Variants in IGF1R observed in about 807,000 individuals in gnomAD.
The protein encoded by IGF1R is insulin-like growth factor 1 receptor.
A neutral mutation model predicts 144.6 loss-of-function variants in IGF1R; 44 were observed. The observed-to-expected ratio is 0.30, with a 90% CI of 0.24 to 0.39. IGF1R has a LOEUF of 0.39. IGF1R is among the 10% of genes least tolerant of loss of function. IGF1R has a pLI of 1.00. For synonymous variants in IGF1R, 795 were observed against 722.8 expected, an observed-to-expected ratio of 1.10 and a Z score of -1.60; for missense variants, 1,355 against 1,833.7, an observed-to-expected ratio of 0.74 and a Z score of 4.77.
chr15:98,827,692 C>T (rs1171049451), intron 2 of IGF1R, among the ~76,000 whole-genome samples: 1 of 152,218 alleles, frequency 6.6e-6, no homozygotes, highest in Non-Finnish European at 1.5e-5. Context: ...AAGCGATTCT[C>T]CTGCCTCAGC....
At chr15:98,731,413 C>T (rs2054493852) in intron 2 of IGF1R, among the ~76,000 whole-genome samples, 1 of 152,200 alleles carries the variant, frequency 6.6e-6, no homozygotes, top group African/African-American at 2.4e-5. Flanking sequence ...AAAAGGGTTC[C>T]ATTTTCCCCT....
intron 1 of IGF1R, chr15:98,660,088 C>T (rs985435219): frequency 6.6e-6 from 1 of 152,214 alleles, no homozygotes; most frequent in African/African-American, 2.4e-5. Flanking sequence ...AAGCCTTAAA[C>T]CTGTTTCCCC....
chr15:98,779,785 G>T (rs2055810367), intron 2 of IGF1R, among the ~76,000 whole-genome samples: 1 of 152,206 alleles, frequency 6.6e-6, no homozygotes, highest in Non-Finnish European at 1.5e-5. Flanking sequence ...CCCTCCAGTA[G>T]AGGGCACACG....
chr15:98,825,180 A>C (rs1490186052), intron 2 of IGF1R, among the ~76,000 whole-genome samples: 1 of 147,864 alleles, frequency 6.8e-6, no homozygotes, highest in Non-Finnish European at 1.5e-5. Context: ...AGCTTAGAAG[A>C]CCATATACAG....
rs558648364 is a variant in IGF1R, at chr15:98,958,146, G to A, written c.*704G>A. The A allele has an allele frequency of 3.4e-5, 8 of 233,564 alleles. No homozygotes were observed. Among genetic ancestry groups the A allele is most frequent in the African/African-American group, 6.6e-5 (3 of 45,406 alleles). The allele number at this position is 233,564 out of a possible 1,614,324, so 14.5% of individuals were successfully genotyped here. A position where few individuals can be genotyped will look rare whatever the true frequency, so the allele number is the denominator to read the frequency against. Reference sequence around the variant, plus strand: ...GAGAGACACGCTGGCGACACACTCCGTCCATCCGACTGCCCCTGCTGTGCT... The same window carrying A: ...GAGAGACACGCTGGCGACACACTCCATCCATCCGACTGCCCCTGCTGTGCT... On this transcript the variant is annotated 3_prime_UTR_variant, in exon 21 of 21. Transcript: ENST00000650285.
chr15:98,727,846 C>T (rs1265483479), intron 2 of IGF1R, among the ~76,000 whole-genome samples: 3 of 152,072 alleles, frequency 2.0e-5, no homozygotes, highest in Non-Finnish European at 2.9e-5. Flanking sequence ...GCTGTCACCC[C>T]GAAGGAATGC....
In IGF1R at chr15:98,675,047, G is replaced by T. The variant is rs1231229573; in HGVS notation, c.94+25372G>T. Among the ~76,000 whole-genome samples, 4 of 134,920 alleles carry T rather than the reference G, an allele frequency of 3.0e-5. No homozygotes were observed. In the South Asian group the frequency reaches 7.0e-4, roughly 24 times the overall value. The allele number at this position is 134,920 out of a possible 152,430, so 88.5% of individuals were successfully genotyped here. ...TGCCCAGGCTGGAGTGGACTGCAGTGGTGCAATCTCAGCTCACTTCAACCT... is the reference window on the plus strand; with the variant it reads ...TGCCCAGGCTGGAGTGGACTGCAGTTGTGCAATCTCAGCTCACTTCAACCT... On this transcript the variant is annotated intron_variant, in intron 1 of 20. Coordinates refer to ENST00000650285, the MANE Select transcript of IGF1R (RefSeq NM_000875.5).
intron 1 of IGF1R, among the ~76,000 whole-genome samples, chr15:98,680,460 G>A (rs550825447): frequency 8.6e-5 from 13 of 152,040 alleles, no homozygotes; most frequent in South Asian, 2.1e-4. Flanking sequence ...TGGAGACAGC[G>A]TTGCACCGTG....
Position 98,924,688 on chromosome 15 carries a change from A to G in IGF1R, c.2782+4A>G. On this transcript the variant is annotated splice_donor_region_variant and intron_variant, in intron 13 of 20. Coordinates refer to ENST00000650285, the MANE Select transcript of IGF1R (RefSeq NM_000875.5). ...TTCTTCTATGTCCAGGCCAAAAGTA[A>G]GGCTTGTGGAGGGAGAAGAAACGTG... The G allele has an allele frequency of 1.2e-6, 2 of 1,612,040 alleles. No individual in the cohort carries two copies. Among genetic ancestry groups the G allele is most frequent in the African/African-American group, 1.4e-5 (1 of 74,066 alleles).
At chr15:98,680,818 G>A (rs909580567) in intron 1 of IGF1R, among the ~76,000 whole-genome samples, 1 of 150,122 alleles carries the variant, frequency 6.7e-6, no homozygotes, top group Non-Finnish European at 1.5e-5. Context: ...GCAAGTGCTT[G>A]GCCTCTGAAG....
chr15:98,696,747 G>T (rs964941394), intron 1 of IGF1R, among the ~76,000 whole-genome samples: 2 of 152,212 alleles, frequency 1.3e-5, no homozygotes, highest in African/African-American at 4.8e-5. Flanking sequence ...CTGCTCAGGA[G>T]AAAGGTCTTC....
rs1278323768 is a variant in IGF1R, at chr15:98,922,303, A to C, written c.2357A>C (p.Glu786Ala). 3 of 1,614,182 alleles carry C rather than the reference A, an allele frequency of 1.9e-6. No individual in the cohort carries two copies. In the South Asian group the frequency reaches 3.3e-5, roughly 18 times the overall value. Residue 786 changes from glutamate to alanine, a missense_variant, in exon 11 of 21, where the codon GAG becomes GCG. By Grantham distance (107) the Glu-to-Ala change is moderately radical. Around this residue, in one of 7 missense-constraint regions of IGF1R, gnomAD observed 880 missense variants for 1,202.7 expected, o/e 0.73. Coordinates refer to ENST00000650285, the MANE Select transcript of IGF1R (RefSeq NM_000875.5). ...PFFESRVDNK[E>A]RTVISNLRPF... ...TTTGAGAGCAGAGTGGATAACAAGG[A>C]GAGAACTGTCATTTCTAACCTTCGG...
At chr15:98,760,483 G>C (rs1451360485) in intron 2 of IGF1R, among the ~76,000 whole-genome samples, 1 of 152,252 alleles carries the variant, frequency 6.6e-6, no homozygotes, top group East Asian at 1.9e-4. Flanking sequence ...AAGTGTTACA[G>C]ATTTTTATAA....
chr15:98,808,597 C>T (rs1223270123), intron 2 of IGF1R, among the ~76,000 whole-genome samples: 1 of 152,116 alleles, frequency 6.6e-6, no homozygotes, highest in East Asian at 1.9e-4. Flanking sequence ...TATGACAAGG[C>T]CCTCACCCTT....
intron 2 of IGF1R, among the ~76,000 whole-genome samples, chr15:98,764,772 T>C (rs1473163232): frequency 6.6e-6 from 1 of 152,196 alleles, no homozygotes; most frequent in Non-Finnish European, 1.5e-5. Flanking sequence ...CTTTGGTATA[T>C]ATGGTGGGAG....
At chr15:98,692,573 G>A (rs1043474820) in intron 1 of IGF1R, among the ~76,000 whole-genome samples, 2 of 152,166 alleles carry the variant, frequency 1.3e-5, no homozygotes, top group Non-Finnish European at 2.9e-5. Context: ...CCATACCCTG[G>A]AAACCTTATG....
chr15:98,963,506 G>A lies in IGF1R; in HGVS notation c.*6064G>A, dbSNP rs745550293. 8.6e-6 allele frequency: 2 copies of A among 233,200 alleles called. No homozygotes were observed. Among genetic ancestry groups the A allele is most frequent in the Non-Finnish European group, 1.7e-5 (2 of 118,084 alleles). 14.4% of individuals were successfully genotyped at this position (233,200 alleles called of 1,614,324 possible). On this transcript the variant is annotated 3_prime_UTR_variant, in exon 21 of 21. Transcript: ENST00000650285. Reference sequence around the variant, plus strand: ...CTCATTGGCCATGGAAACAGCCGAGGTGTTGGAGCCCAGCAGTGCATGGCA... The same window carrying A: ...CTCATTGGCCATGGAAACAGCCGAGATGTTGGAGCCCAGCAGTGCATGGCA...
intron 2 of IGF1R, among the ~76,000 whole-genome samples, chr15:98,883,186 ACT>A (rs1198755920): frequency 2.6e-5 from 4 of 152,184 alleles, no homozygotes; most frequent in African/African-American, 9.6e-5. Flanking sequence ...AGCGCTTGCC[ACT>A]TGAACTTTCT....
In IGF1R at chr15:98,856,827, A is replaced by G. The variant is rs369458959; in HGVS notation, c.641-34498A>G. On this transcript the variant is annotated intron_variant, in intron 2 of 20. Transcript: ENST00000650285. ...CAGAACACTTGCTTTCAGCTCACAC[A>G]GAGCTGACTCCTGGGCAGAGAATTT... 7.9e-5 allele frequency among the ~76,000 whole-genome samples: 12 copies of G among 152,372 alleles called. No homozygotes were observed. The East Asian group carries it at 2.1e-3, about 27-fold the overall frequency.
Sources: gnomAD v4.1 joint callset for allele counts (sites outside exome capture counted in the v4.1 genomes callset) on GRCh38, gnomAD v4.1.1 for gene constraint, gnomAD v4.1.1 regional missense constraint, MANE v1.5 for transcripts, NCBI Gene and HGNC (gene_info 2026-07-23, HGNC 2026-07-21) for gene names.